The following SLC9A7 variants were observed in gnomAD, a reference collection of about 807,000 sequenced individuals.
The protein encoded by SLC9A7 is solute carrier family 9 member A7.
SLC9A7 carries 19 observed loss-of-function variants against 52.6 expected under a neutral mutation model. The observed-to-expected ratio is 0.36, with a 90% confidence interval of 0.25 to 0.53. The LOEUF (loss-of-function observed/expected upper bound fraction) is 0.53. SLC9A7 is among the 20% of genes least tolerant of loss of function. The pLI is 0.91. For missense variants in SLC9A7, 455 were observed against 597.9 expected (o/e 0.76, Z 2.49); for synonymous variants, 226 against 252.1 (o/e 0.90, Z 0.98).
chrX:46,754,823 A>G (rs1922521535), intron 1 of SLC9A7, among the ~76,000 whole-genome samples: 1 of 112,575 alleles, frequency 8.9e-6, no homozygotes, highest in African/African-American at 3.2e-5. Flanking sequence ...AGAGAACCAC[A>G]ATGAACTGGC....
chrX:46,755,807 G>A (rs1556291848), intron 1 of SLC9A7, among the ~76,000 whole-genome samples: 1 of 90,396 alleles, frequency 1.1e-5, no homozygotes, highest in Non-Finnish European at 2.1e-5. Flanking sequence ...GGGCGACAGA[G>A]TGAGACTCCG....
In SLC9A7 at chrX:46,608,526, T is replaced by C. The variant is rs1349495615; in HGVS notation, c.1930-1323A>G. 2.7e-5 allele frequency among the ~76,000 whole-genome samples: 3 copies of C among 112,624 alleles called. No homozygotes were observed. In the East Asian group the frequency reaches 8.3e-4, roughly 31 times the overall value. On this transcript the variant is annotated intron_variant, in intron 16 of 16. Transcript: ENST00000616978. ...AATGCCCAATGAGATAAAAGTCCTA[T>C]ATTCAGGCAGATGCTCAGAGCACAG...
intron 1 of SLC9A7, among the ~76,000 whole-genome samples, chrX:46,750,721 A>G (rs1213987031): frequency 3.6e-5 from 4 of 112,391 alleles, no homozygotes; most frequent in Non-Finnish European, 7.5e-5. Flanking sequence ...GTGACAGACT[A>G]TTCTAACAGG....
chrX:46,744,799 G>A (rs1921616974), intron 1 of SLC9A7, among the ~76,000 whole-genome samples: 1 of 111,828 alleles, frequency 8.9e-6, no homozygotes, highest in African/African-American at 3.2e-5. Context: ...TAGCAAAATA[G>A]CAGAGTAGAC....
intron 12 of SLC9A7, among the ~76,000 whole-genome samples, chrX:46,641,751 G>A (rs1229510140): frequency 9.0e-6 from 1 of 111,351 alleles, no homozygotes; most frequent in African/African-American, 3.3e-5. Flanking sequence ...TTAAGAGTGT[G>A]GACTCTGTGG....
At chrX:46,622,287 G>A (rs755919685) in intron 14 of SLC9A7, among the ~76,000 whole-genome samples, 2 of 111,660 alleles carry the variant, frequency 1.8e-5, no homozygotes, top group Non-Finnish European at 3.8e-5. Flanking sequence ...ATGAGCAAGA[G>A]AGAGAGCACA....
In SLC9A7 at chrX:46,662,123, T is replaced by G; in HGVS notation, c.934A>C (p.Thr312Pro). 8.3e-7 allele frequency: 1 copy of G among 1,209,442 alleles called. No homozygotes were observed. The highest frequency in any genetic ancestry group is 1.1e-6 in the Non-Finnish European group (1 of 894,321). The change falls in exon 7 of 17, where the codon ACT becomes CCT. Residue 312 changes from threonine to proline, a missense_variant. By Grantham distance (38) the Thr-to-Pro change is conservative. Transcript: ENST00000616978. ...IVAYQPAGLN[T>P]HAFDAAAFFK... ...AAGGCAGCAGCATCAAAGGCGTGAG[T>G]GTTCAGTCCCGCTGGCTGGTAGGCA...
intron 1 of SLC9A7, among the ~76,000 whole-genome samples, chrX:46,742,087 T>C (rs1432572953): frequency 9.0e-6 from 1 of 111,662 alleles, no homozygotes; most frequent in Non-Finnish European, 1.9e-5. Context: ...CTGCTATTCA[T>C]CTATTAGAAT....
intron 2 of SLC9A7, among the ~76,000 whole-genome samples, chrX:46,680,160 C>A (rs5952920): frequency 0.23 from 25,266 of 109,049 alleles, 2,444 homozygotes; most frequent in South Asian, 0.4. Context: ...ACCAGCCTGG[C>A]CAATATGGTG....
At position 46,601,662 on chromosome X, in the gene SLC9A7, A is replaced by G. The variant is rs1436174503; in HGVS notation, c.*5290T>C. ...CAATGCTTATTTGTCTGATCACCCCAGTAACCACCCTGGATGCTCGGATCC... is the reference window on the plus strand; with the variant it reads ...CAATGCTTATTTGTCTGATCACCCCGGTAACCACCCTGGATGCTCGGATCC... On this transcript the variant is annotated 3_prime_UTR_variant, in exon 17 of 17. Transcript: ENST00000616978. The G allele has an allele frequency of 8.9e-6, 1 of 112,661 alleles. No homozygotes were observed. Among genetic ancestry groups the G allele is most frequent in the African/African-American group, 3.2e-5 (1 of 31,065 alleles). The allele number at this position is 112,661 out of a possible 1,213,427, so 9.3% of individuals were successfully genotyped here.
At chrX:46,688,967 CTGA>C (rs1290040018) in intron 1 of SLC9A7, among the ~76,000 whole-genome samples, 8 of 109,684 alleles carry the variant, frequency 7.3e-5, no homozygotes, top group Non-Finnish European at 1.5e-4. Flanking sequence ...TAAAATTTCT[CTGA>C]TGTTGTCTTA....
At chrX:46,638,798 A>G (rs1943359991) in intron 12 of SLC9A7, among the ~76,000 whole-genome samples, 2 of 112,323 alleles carry the variant, frequency 1.8e-5, no homozygotes, top group South Asian at 7.3e-4. Flanking sequence ...AAAAATAATT[A>G]ACACCAATTC....
At chrX:46,721,978 T>C (rs942839990) in intron 1 of SLC9A7, among the ~76,000 whole-genome samples, 4 of 112,036 alleles carry the variant, frequency 3.6e-5, no homozygotes, top group Non-Finnish European at 7.5e-5. Flanking sequence ...ACATAAACAC[T>C]AGAACAAATG....
At chrX:46,748,243 G>A (rs961541568) in intron 1 of SLC9A7, among the ~76,000 whole-genome samples, 3 of 109,539 alleles carry the variant, frequency 2.7e-5, no homozygotes, top group African/African-American at 1.0e-4. Context: ...CTACTTGGGA[G>A]GATGAGGCAG....
intron 1 of SLC9A7, among the ~76,000 whole-genome samples, chrX:46,690,117 T>G (rs1944360730): frequency 8.9e-6 from 1 of 112,332 alleles, no homozygotes; most frequent in South Asian, 3.7e-4. Flanking sequence ...GTATGTTTAC[T>G]GCAGCACTAT....
At chrX:46,651,437 G>C in intron 8 of SLC9A7, 33 bp from the exon 9 acceptor site, 4 of 1,075,448 alleles carry the variant, frequency 3.7e-6, no homozygotes. Context: ...AAAATCAATG[G>C]AAAAAAAAGA....
intron 1 of SLC9A7, among the ~76,000 whole-genome samples, chrX:46,737,012 C>T (rs956554844): frequency 8.9e-6 from 1 of 111,838 alleles, no homozygotes; most frequent in East Asian, 2.8e-4. Context: ...GCCAGGCCTA[C>T]CAGGCATTCA....
rs770145661 is a variant in SLC9A7, at chrX:46,650,753, A to G, written c.1350+357T>C. 2.7e-5 allele frequency among the ~76,000 whole-genome samples: 3 copies of G among 111,903 alleles called. No individual in the cohort carries two copies. In the East Asian group the frequency reaches 8.4e-4, roughly 31 times the overall value. On this transcript the variant is annotated intron_variant, in intron 10 of 16. Coordinates refer to ENST00000616978, the MANE Select transcript of SLC9A7 (RefSeq NM_001257291.2). ...GACTGACATGGTTGCTGACTTTTAG[A>G]TTCACCAAGAAGAGCACTTTACAAA...
intron 1 of SLC9A7, among the ~76,000 whole-genome samples, chrX:46,699,947 A>G (rs1037310291): frequency 9.1e-6 from 1 of 110,392 alleles, no homozygotes; most frequent in Non-Finnish European, 1.9e-5. Context: ...GAGACCTCGT[A>G]TCTACAAAAA....
Sources: allele counts gnomAD v4.1 joint callset (sites outside exome capture counted in the v4.1 genomes callset), GRCh38; gene constraint gnomAD v4.1.1; transcripts MANE v1.5; gene names NCBI Gene and HGNC (gene_info 2026-07-23, HGNC 2026-07-21).